EP400: variants seen among roughly 807,000 people sequenced by gnomAD.
The protein encoded by EP400 is E1A-binding protein p400.
Under a neutral mutation model 354.1 loss-of-function variants are expected in EP400, and 105 were observed. The observed-to-expected ratio is 0.30, with a 90% CI of 0.25 to 0.35. EP400 has a LOEUF of 0.35. Among genes scored for constraint, EP400 ranks in the 10% least tolerant of loss-of-function variants. The pLI is 1.00. For missense variants in EP400, 3,280 were observed against 4,121.0 expected, an observed-to-expected ratio of 0.80 and a Z score of 5.59; for synonymous variants, 1,646 against 1,716.9, an observed-to-expected ratio of 0.96 and a Z score of 1.02.
At chr12:132,000,428 A>G (rs947004604) in intron 12 of EP400, among the ~76,000 whole-genome samples, 1 of 152,220 alleles carries the variant, frequency 6.6e-6, no homozygotes, top group South Asian at 2.1e-4. Context: ...AACAACATGC[A>G]TTCATCAGGT....
Position 131,990,151 on chromosome 12 carries a change from G to A in EP400, c.2550+47G>A. The A allele has an allele frequency of 1.3e-6, 2 of 1,565,198 alleles. No individual in the cohort carries two copies. The highest frequency in any genetic ancestry group is 1.4e-5 in the African/African-American group (1 of 72,478). The stretch of plus-strand genomic sequence containing the variant: ...GGGTCGTAAGAATCAGTCTGTCGGA[G>A]CTGGTGAGGCCACTTCCCGAGACCA... On this transcript the variant is annotated intron_variant, in intron 8 of 52. Transcript: ENST00000389561. This position sits in a 1 kb window ranked among gnomAD's most constrained non-coding sequence, Gnocchi z 4.2.
At chr12:131,981,390 C>T in intron 3 of EP400, 99 bp from the exon 4 acceptor site, 1 of 908,082 alleles carries the variant, frequency 1.1e-6, no homozygotes, top group Admixed American at 2.6e-5. Context: ...ATAGAAAGGC[C>T]TCCCTTTTCC....
intron 24 of EP400, among the ~76,000 whole-genome samples, chr12:132,024,158 C>T (rs1448571292): frequency 1.3e-5 from 2 of 152,234 alleles, no homozygotes; most frequent in East Asian, 3.8e-4. Flanking sequence ...AAACAACAGG[C>T]ACTTTCGTTA....
intron 39 of EP400, among the ~76,000 whole-genome samples, chr12:132,047,251 C>T (rs2136581658): frequency 6.6e-6 from 1 of 152,312 alleles, no homozygotes; most frequent in South Asian, 2.1e-4. Context: ...ACCAATAAGA[C>T]TTCCTGGAAT....
chr12:132,037,923 C>T (rs549348878), intron 31 of EP400, 30 bp from the exon 32 acceptor site: 6 of 1,613,992 alleles, frequency 3.7e-6, no homozygotes, highest in Admixed American at 1.7e-5. Context: ...GGACCTTGTA[C>T]TGGGGAGTAA....
In EP400 at chr12:132,047,485, C is replaced by G. The variant is rs373597738; in HGVS notation, c.7200+1585C>G. ...AGCTGGGTGTCTGGGGGAGACATCA[C>G]ATGTCGGCAGGTTCCGTGATGCCCC... On this transcript the variant is annotated intron_variant, in intron 39 of 52. Transcript: ENST00000389561. 2.7e-4 allele frequency among the ~76,000 whole-genome samples: 41 copies of G among 152,274 alleles called. No individual in the cohort carries two copies. In the East Asian group the frequency reaches 4.6e-3, roughly 17 times the overall value.
chr12:132,056,752 A>G (rs1436748399), intron 45 of EP400, among the ~76,000 whole-genome samples: 1 of 152,256 alleles, frequency 6.6e-6, no homozygotes, highest in Non-Finnish European at 1.5e-5. Context: ...GTTAGGCGTC[A>G]TCAAAATTAA....
intron 19 of EP400, among the ~76,000 whole-genome samples, chr12:132,015,026 T>G (rs144225963): frequency 6.6e-6 from 1 of 152,340 alleles, no homozygotes; most frequent in Non-Finnish European, 1.5e-5. Context: ...CATCCTCTGC[T>G]CTGCAGCCAG....
rs150705036 is a variant in EP400, at chr12:132,006,201, G to A, written c.3025G>A (p.Glu1009Lys). The change falls in exon 14 of 53, where the codon GAG (glutamate) becomes AAG (lysine). Residue 1009 changes from glutamate (E) to lysine (K), a missense_variant. Glu to Lys is a moderately conservative substitution (Grantham distance 56). Around this residue, in one of 20 missense-constraint regions of EP400, gnomAD observed 800 missense variants for 840.0 expected, o/e 0.95. Coordinates refer to ENST00000389561, the MANE Select transcript of EP400 (RefSeq NM_015409.5). ...LFIMDQFKAA[E>K]RMNIGKPNAK... ...CATCATGGATCAGTTCAAAGCTGCCGAGAGGATGAATATCGGGAAGCCAAA... is the reference window on the plus strand; with the variant it reads ...CATCATGGATCAGTTCAAAGCTGCCAAGAGGATGAATATCGGGAAGCCAAA... The A allele has an allele frequency of 1.3e-5, 21 of 1,614,076 alleles. No individual in the cohort carries two copies. Among genetic ancestry groups the A allele is most frequent in the Non-Finnish European group, 1.5e-5 (18 of 1,180,050 alleles).
chr12:132,043,747 G>C lies in EP400; in HGVS notation c.6450+19G>C. ...CAGTGAGGTAAGAGAATCAACTTTT[G>C]GTCAGTGAAAAAAATTTGCAATATT... On this transcript the variant is annotated intron_variant, in intron 34 of 52. Transcript: ENST00000389561. 1 of 1,581,696 alleles carries C rather than the reference G, an allele frequency of 6.3e-7. No homozygotes were observed. Among genetic ancestry groups the C allele is most frequent in the Non-Finnish European group, 8.6e-7 (1 of 1,168,222 alleles).
intron 15 of EP400, among the ~76,000 whole-genome samples, chr12:132,008,763 G>A (rs780803369): frequency 6.6e-6 from 1 of 151,046 alleles, no homozygotes; most frequent in African/African-American, 2.4e-5. Flanking sequence ...GACTACAGAC[G>A]CTTGTCACTA....
intron 2 of EP400, among the ~76,000 whole-genome samples, chr12:131,966,667 G>C (rs1227547526): frequency 1.3e-5 from 2 of 151,496 alleles, no homozygotes; most frequent in African/African-American, 4.9e-5. Flanking sequence ...ACTTTCGGAG[G>C]CTGAGGCAGG....
chr12:131,987,962 G>T, intron 7 of EP400, 72 bp downstream of exon 7: 1 of 1,308,084 alleles, frequency 7.6e-7, no homozygotes, highest in Non-Finnish European at 1.0e-6. Context: ...GGTGTAAGTG[G>T]TGGGGAGGTC....
chr12:132,062,213 C>T lies in EP400; in HGVS notation c.7988C>T (p.Thr2663Met), dbSNP rs369617158. The T allele has an allele frequency of 8.3e-5, 134 of 1,614,104 alleles. No homozygotes were observed. Among genetic ancestry groups the T allele is most frequent in the Non-Finnish European group, 1.0e-4 (121 of 1,180,054 alleles). ...ACCCCTGACCTGGTGTCCATGGCAA[C>T]GACTCAGGGTGTTCGAGCGGTCACT... is the stretch of plus-strand genomic sequence containing the variant. ...TATPDLVSMA[T>M]TQGVRAVTSV... is the part of the protein sequence containing the mutation. The change falls in exon 46 of 53, where the codon ACG becomes ATG. Residue 2663 changes from threonine to methionine, a missense_variant. By Grantham distance (81) the Thr-to-Met change is moderately conservative. Transcript: ENST00000389561.
At chr12:131,966,084 T>C (rs1465192563) in intron 2 of EP400, among the ~76,000 whole-genome samples, 2 of 150,794 alleles carry the variant, frequency 1.3e-5, no homozygotes, top group Admixed American at 1.3e-4. Context: ...TCTGGGTATG[T>C]TGAACTTTAT....
chr12:131,967,310 G>T (rs1283219249), intron 2 of EP400, among the ~76,000 whole-genome samples: 1 of 152,018 alleles, frequency 6.6e-6, no homozygotes, highest in Non-Finnish European at 1.5e-5. Flanking sequence ...GAACCCAGGA[G>T]ATGGAGGTTG....
At position 131,949,964 on chromosome 12, in the gene EP400, A is replaced by G. The variant is rs1446356825; in HGVS notation, c.-108A>G. On this transcript the variant is annotated 5_prime_UTR_variant, in exon 1 of 53. Coordinates refer to ENST00000389561, the MANE Select transcript of EP400 (RefSeq NM_015409.5). ...TTCCTCCCGCCGGGGCCCCGGATGC[A>G]CTGAGCGGCTGCGGCGCGGCTTCCA... 8 of 151,894 alleles carry G rather than the reference A, an allele frequency of 5.3e-5. No individual in the cohort carries two copies. The East Asian group carries it at 1.5e-3, about 29-fold the overall frequency. The allele number at this position is 151,894 out of a possible 1,614,324, so 9.4% of individuals were successfully genotyped here.
intron 12 of EP400, among the ~76,000 whole-genome samples, chr12:131,996,895 AT>A (rs917508068): frequency 1.6e-4 from 24 of 152,144 alleles, no homozygotes; most frequent in African/African-American, 5.8e-4. Flanking sequence ...TTGCAGTGAC[AT>A]TTTCCCAGTT....
chr12:132,059,638 G>A (rs1198146053), intron 45 of EP400, among the ~76,000 whole-genome samples: 2 of 152,212 alleles, frequency 1.3e-5, no homozygotes, highest in Non-Finnish European at 2.9e-5. Flanking sequence ...AAGGCATTAT[G>A]AGTGAGAATC....
Sources: allele counts gnomAD v4.1 joint callset (sites outside exome capture counted in the v4.1 genomes callset), GRCh38; gene constraint gnomAD v4.1.1; regional missense constraint gnomAD v4.1.1; non-coding constraint Gnocchi (gnomAD v3.1); transcripts MANE v1.5; gene names NCBI Gene and HGNC (gene_info 2026-07-23, HGNC 2026-07-21).